TMED8: variants seen among roughly 807,000 people sequenced by gnomAD.
The protein encoded by TMED8 is protein TMED8.
A neutral mutation model predicts 32.7 loss-of-function variants in TMED8; 15 were observed. The observed-to-expected ratio is 0.46, with a 90% CI of 0.31 to 0.71. The LOEUF is 0.71. Among genes scored for constraint, TMED8 ranks in the 30% least tolerant of loss-of-function variants. TMED8 has a pLI of 0.06. For synonymous variants in TMED8, 147 were observed against 161.4 expected (o/e 0.91, Z 0.68); for missense variants, 390 against 423.9 (o/e 0.92, Z 0.70).
rs1028571358 is a variant in TMED8, at chr14:77,376,434, C to T, written c.118+502G>A. ...GGGCCTATGTGCAGGAAGGCTAGGG[C>T]GCAGTGGGCTTCTGGCAGAGGAAGG... is the stretch of plus-strand genomic sequence containing the variant. On this transcript the variant is annotated intron_variant, in intron 1 of 5. Coordinates refer to ENST00000216468, the MANE Select transcript of TMED8 (RefSeq NM_213601.3). This position sits in a 1 kb window ranked among gnomAD's most constrained non-coding sequence, Gnocchi z 4.0. Among the ~76,000 whole-genome samples the T allele has an allele frequency of 1.3e-5, 2 of 152,168 alleles. No individual in the cohort carries two copies. Among genetic ancestry groups the T allele is most frequent in the East Asian group, 3.9e-4 (2 of 5,192 alleles).
At chr14:77,356,792 T>A (rs1435235814) in intron 1 of TMED8, among the ~76,000 whole-genome samples, 3 of 152,186 alleles carry the variant, frequency 2.0e-5, no homozygotes, top group Non-Finnish European at 4.4e-5. Context: ...TACCTTATAA[T>A]CTCTTAATCT....
Position 77,377,027 on chromosome 14 carries a change from C to T in TMED8, c.27G>A (p.Gly9=), listed in dbSNP as rs1206783820. ...GGGCTGTGGGGCTCCAGGAGCCCGG[C>T]CCCTCAGCCGCCTGCAGGTCAGACA... MSDLQAAE[G]PGSWSPTARP... is the part of the protein sequence containing the mutation. Residue 9 remains glycine, a synonymous_variant, in exon 1 of 6, where the codon GGG becomes GGA. Transcript: ENST00000216468. The T allele has an allele frequency of 6.5e-6, 9 of 1,391,506 alleles. No homozygotes were observed. The Admixed American group carries it at 1.8e-4, about 28-fold the overall frequency. 86.2% of individuals were successfully genotyped at this position (1,391,506 alleles called of 1,614,324 possible). A position where few individuals can be genotyped will look rare whatever the true frequency, so the allele number is the denominator to read the frequency against.
At position 77,356,396 on chromosome 14, in the gene TMED8, T is replaced by C. The variant is rs563991741; in HGVS notation, c.119-4645A>G. On this transcript the variant is annotated intron_variant, in intron 1 of 5. Coordinates refer to ENST00000216468, the MANE Select transcript of TMED8 (RefSeq NM_213601.3). ...AATTACTGCTGTTTAAAAACCTTTA[T>C]TGTAGAAAATGTTAAACATATACAA... 3.9e-5 allele frequency among the ~76,000 whole-genome samples: 6 copies of C among 152,344 alleles called. 1 individual carries two copies. In the South Asian group the frequency reaches 1.0e-3, roughly 26 times the overall value.
intron 1 of TMED8, among the ~76,000 whole-genome samples, chr14:77,372,871 A>G (rs1893702364): frequency 7.8e-6 from 1 of 127,934 alleles, no homozygotes; most frequent in Admixed American, 8.5e-5. Context: ...CAAATTTTGA[A>G]TTTTAATTCA....
chr14:77,370,687 C>T (rs1329264467), intron 1 of TMED8, among the ~76,000 whole-genome samples: 2 of 151,780 alleles, frequency 1.3e-5, no homozygotes, highest in African/African-American at 4.8e-5. Flanking sequence ...CAAAAGCAAT[C>T]AATGTTATTT....
chr14:77,366,405 TGA>T (rs2139632252), intron 1 of TMED8, among the ~76,000 whole-genome samples: 1 of 152,312 alleles, frequency 6.6e-6, no homozygotes, highest in South Asian at 2.1e-4. Context: ...GTGGGACAAA[TGA>T]GAGACAGAAT....
rs1893838474 is a variant in TMED8, at chr14:77,377,050, A to G, written c.4T>C (p.Ser2Pro). The G allele has an allele frequency of 1.5e-6, 2 of 1,366,234 alleles. No homozygotes were observed. The highest frequency in any genetic ancestry group is 3.7e-5 in the Admixed American group (1 of 27,114). The allele number at this position is 1,366,234 out of a possible 1,614,324, so 84.6% of individuals were successfully genotyped here. A position where few individuals can be genotyped will look rare whatever the true frequency, so the allele number is the denominator to read the frequency against. M[S>P]DLQAAEGPGS... ...GGCCCCTCAGCCGCCTGCAGGTCAG[A>G]CATCTGCAGCCCGCGCACGGAGCTC... Residue 2 changes from serine to proline, a missense_variant, in exon 1 of 6, where the codon TCT (serine) becomes CCT (proline). Ser to Pro is a moderately conservative substitution (Grantham distance 74). Transcript: ENST00000216468.
chr14:77,352,126 C>G lies in TMED8; in HGVS notation c.119-375G>C, dbSNP rs191141362. On this transcript the variant is annotated intron_variant, in intron 1 of 5. Transcript: ENST00000216468. ...ACCAGCCTGGGCAACAGAGCAAGACCCTGTCTCTAAAAAAAATTAAGGCCA... is the reference window on the plus strand; with the variant it reads ...ACCAGCCTGGGCAACAGAGCAAGACGCTGTCTCTAAAAAAAATTAAGGCCA... 1.6e-4 allele frequency among the ~76,000 whole-genome samples: 25 copies of G among 151,878 alleles called. No individual in the cohort carries two copies. The East Asian group carries it at 4.8e-3, about 29-fold the overall frequency.
intron 2 of TMED8, among the ~76,000 whole-genome samples, chr14:77,347,058 A>C (rs2139608157): frequency 6.6e-6 from 1 of 152,162 alleles, no homozygotes; most frequent in South Asian, 2.1e-4. Flanking sequence ...ATACCACTTG[A>C]CCAACATCTC....
chr14:77,355,493 A>T, intron 1 of TMED8, among the ~76,000 whole-genome samples: 1 of 152,128 alleles, frequency 6.6e-6, no homozygotes, highest in East Asian at 1.9e-4. Context: ...ACCATGGCCA[A>T]TAAACACTTT....
chr14:77,372,918 A>T (rs1276561708), intron 1 of TMED8, among the ~76,000 whole-genome samples: 2,689 of 15,172 alleles, frequency 0.18, 199 homozygotes, highest in Admixed American at 0.22. Context: ...ATATATATAT[A>T]TATATATATA....
chr14:77,359,877 TCAA>T (rs1893389920), intron 1 of TMED8: 1 of 172,924 alleles, frequency 5.8e-6, no homozygotes, highest in Non-Finnish European at 1.3e-5. Flanking sequence ...TCTTTGGCTT[TCAA>T]CAACTATGAC....
intron 1 of TMED8, among the ~76,000 whole-genome samples, chr14:77,366,280 T>C (rs541220858): frequency 6.6e-6 from 1 of 152,344 alleles, no homozygotes; most frequent in South Asian, 2.1e-4. Flanking sequence ...GAACTGTCAC[T>C]GACAATAGTA....
Position 77,339,591 on chromosome 14 carries a change from CAGTT to C in TMED8, c.*2176_*2179del, listed in dbSNP as rs967349789. ...AAAATTATTTTACAAAGATTATATT[CAGTT>C]AGCTAAGGCATGATTCAACTTCAAT... On this transcript the variant is annotated 3_prime_UTR_variant, in exon 6 of 6. Transcript: ENST00000216468. The C allele has an allele frequency of 3.9e-5, 6 of 152,296 alleles. No individual in the cohort carries two copies. The highest frequency in any genetic ancestry group is 7.4e-5 in the Non-Finnish European group (5 of 68,024). The allele number at this position is 152,296 out of a possible 1,614,324, so 9.4% of individuals were successfully genotyped here. A position where few individuals can be genotyped will look rare whatever the true frequency, so the allele number is the denominator to read the frequency against.
At chr14:77,346,688 A>G (rs762694389) in intron 2 of TMED8, among the ~76,000 whole-genome samples, 10 of 151,438 alleles carry the variant, frequency 6.6e-5, no homozygotes, top group Non-Finnish European at 1.3e-4. Flanking sequence ...AAAGACTAAC[A>G]AGGCCAGGTC....
chr14:77,348,425 A>G lies in TMED8; in HGVS notation c.198-1947T>C, dbSNP rs1029168300. Among the ~76,000 whole-genome samples, 9 of 152,182 alleles carry G rather than the reference A, an allele frequency of 5.9e-5. No homozygotes were observed. In the South Asian group the frequency reaches 8.3e-4, roughly 14 times the overall value. On this transcript the variant is annotated intron_variant, in intron 2 of 5. Coordinates refer to ENST00000216468, the MANE Select transcript of TMED8 (RefSeq NM_213601.3). ...TTTTTAGTAGAGACGTGGTTTCACC[A>G]TGTTAGCCAGGATGGTCTCGATCTC...
intron 1 of TMED8, among the ~76,000 whole-genome samples, chr14:77,375,848 C>T (rs1893802418): frequency 6.6e-6 from 1 of 152,110 alleles, no homozygotes; most frequent in Non-Finnish European, 1.5e-5. Context: ...GGACTATACC[C>T]CAAATGCCTT....
At chr14:77,367,682 G>A (rs1893586831) in intron 1 of TMED8, among the ~76,000 whole-genome samples, 1 of 150,966 alleles carries the variant, frequency 6.6e-6, no homozygotes, top group Non-Finnish European at 1.5e-5. Context: ...AGGTAGGTTT[G>A]TTAACTTTCT....
At chr14:77,349,960 T>C (rs953494321) in intron 2 of TMED8, among the ~76,000 whole-genome samples, 1 of 152,244 alleles carries the variant, frequency 6.6e-6, no homozygotes, top group African/African-American at 2.4e-5. Flanking sequence ...TTAAGTTCTC[T>C]GTTTAGGGTT....
Sources: allele counts gnomAD v4.1 joint callset (sites outside exome capture counted in the v4.1 genomes callset), GRCh38; gene constraint gnomAD v4.1.1; non-coding constraint Gnocchi (gnomAD v3.1); transcripts MANE v1.5; gene names NCBI Gene and HGNC (gene_info 2026-07-23, HGNC 2026-07-21).